CSMD2: variants seen among roughly 807,000 people sequenced by gnomAD.
CSMD2 encodes the protein CUB and Sushi multiple domains 2, also known as CUB and sushi domain-containing protein 2.
In CSMD2, 130 loss-of-function variants were observed where a neutral mutation model predicts 398.5. That is an observed-to-expected ratio of 0.33 (90% CI 0.28 to 0.38). CSMD2 has a LOEUF of 0.38. Among genes scored for constraint, CSMD2 ranks in the 10% least tolerant of loss-of-function variants. CSMD2 has a pLI of 1.00. For synonymous variants in CSMD2, 1,828 were observed against 1,908.5 expected, an observed-to-expected ratio of 0.96 and a Z score of 1.10; for missense variants, 3,829 against 4,764.9, an observed-to-expected ratio of 0.80 and a Z score of 5.78.
chr1:33,568,656 A>G (rs1659296549), intron 52 of CSMD2, among the ~76,000 whole-genome samples: 1 of 151,966 alleles, frequency 6.6e-6, no homozygotes, highest in African/African-American at 2.4e-5. Context: ...TCTTTTTATT[A>G]TATGGGATTT....
intron 13 of CSMD2, among the ~76,000 whole-genome samples, chr1:33,757,135 C>T (rs1366339816): frequency 6.7e-6 from 1 of 148,244 alleles, no homozygotes; most frequent in Non-Finnish European, 1.5e-5. Context: ...GGAAGGGGAA[C>T]ATCACAATCT....
intron 3 of CSMD2, among the ~76,000 whole-genome samples, chr1:33,969,845 G>A (rs1645692300): frequency 6.6e-6 from 1 of 152,090 alleles, no homozygotes; most frequent in Admixed American, 6.5e-5. Flanking sequence ...GGGCGTGGTG[G>A]CTCACGCCTG....
chr1:34,097,663 T>A, intron 1 of CSMD2, among the ~76,000 whole-genome samples: 1 of 85,582 alleles, frequency 1.2e-5, no homozygotes, highest in Non-Finnish European at 2.3e-5. Context: ...CATGAAAAAA[T>A]GCTCACCATC....
intron 25 of CSMD2, among the ~76,000 whole-genome samples, chr1:33,683,153 G>A (rs512527): frequency 0.94 from 143,046 of 152,320 alleles, 67,276 homozygotes; most frequent in African/African-American, 0.98. Flanking sequence ...TTTAGTTGTT[G>A]CTGTGTGTTT....
intron 9 of CSMD2, among the ~76,000 whole-genome samples, chr1:33,811,635 T>C (rs1199198550): frequency 2.0e-5 from 3 of 152,344 alleles, no homozygotes; most frequent in Middle Eastern, 3.4e-3. Flanking sequence ...CAAGTAGATA[T>C]AAAGTGTTAT....
At chr1:33,639,754 G>C (rs1455214913) in intron 29 of CSMD2, among the ~76,000 whole-genome samples, 1 of 152,188 alleles carries the variant, frequency 6.6e-6, no homozygotes, top group African/African-American at 2.4e-5. Flanking sequence ...TCACACGTAA[G>C]AGAAAGATGA....
chr1:33,857,650 G>A (rs1040030713), intron 5 of CSMD2, among the ~76,000 whole-genome samples: 12 of 152,032 alleles, frequency 7.9e-5, no homozygotes, highest in African/African-American at 2.4e-4. Context: ...ATCTCTCTCC[G>A]TGACTCTAAT....
chr1:34,059,492 A>C (rs1654221890), intron 2 of CSMD2, among the ~76,000 whole-genome samples: 1 of 152,110 alleles, frequency 6.6e-6, no homozygotes, highest in Non-Finnish European at 1.5e-5. Context: ...AGCTTATCAA[A>C]TCTGTAATCA....
chr1:34,038,304 C>A (rs2148177238), intron 2 of CSMD2, among the ~76,000 whole-genome samples: 1 of 152,268 alleles, frequency 6.6e-6, no homozygotes, highest in South Asian at 2.1e-4. Flanking sequence ...CAGAGAAATG[C>A]AGTAAAATGA....
chr1:33,841,917 G>A (rs574988639), intron 6 of CSMD2, among the ~76,000 whole-genome samples: 53 of 152,006 alleles, frequency 3.5e-4, no homozygotes, highest in Non-Finnish European at 7.5e-4. Flanking sequence ...GGGGAATGGT[G>A]GTCTCAGCCT....
chr1:34,157,033 A>C (rs889670922), intron 1 of CSMD2, among the ~76,000 whole-genome samples: 3 of 151,976 alleles, frequency 2.0e-5, no homozygotes, highest in African/African-American at 7.3e-5. Context: ...CTGATGGTGG[A>C]CTTGATAGGA....
Position 33,528,488 on chromosome 1 carries a change from G to T in CSMD2, c.10172-1230C>A, listed in dbSNP as rs370199789. Among the ~76,000 whole-genome samples the T allele has an allele frequency of 9.1e-4, 139 of 152,350 alleles. 4 individuals are homozygous for T. The South Asian group carries it at 0.028, about 30-fold the overall frequency. On this transcript the variant is annotated intron_variant, in intron 64 of 70. Coordinates refer to ENST00000373381, the MANE Select transcript of CSMD2 (RefSeq NM_001281956.2). ...GCCTCAGTACACAGAATGCTGTGGA[G>T]AAAGTTTCTGCAGTGACTCAATGCA...
intron 5 of CSMD2, among the ~76,000 whole-genome samples, chr1:33,909,687 G>A (rs1460730664): frequency 6.6e-6 from 1 of 152,172 alleles, no homozygotes; most frequent in Non-Finnish European, 1.5e-5. Flanking sequence ...CCCTATGAAA[G>A]ACGATGCTGG....
intron 1 of CSMD2, among the ~76,000 whole-genome samples, chr1:34,136,331 G>A (rs111612798): frequency 5.3e-5 from 8 of 152,224 alleles, no homozygotes; most frequent in Non-Finnish European, 1.0e-4. Flanking sequence ...TCAGTTGAAT[G>A]TGCTGTGGAT....
intron 14 of CSMD2, among the ~76,000 whole-genome samples, chr1:33,741,201 A>G (rs903774794): frequency 6.6e-6 from 1 of 152,122 alleles, no homozygotes; most frequent in Non-Finnish European, 1.5e-5. Flanking sequence ...TCAAGTCAAC[A>G]TAAGTTGACT....
Position 33,540,442 on chromosome 1 carries a change from G to A in CSMD2, c.9631+83C>T, listed in dbSNP as rs1570666084. The A allele has an allele frequency of 3.4e-6, 5 of 1,467,156 alleles. No individual in the cohort carries two copies. The South Asian group carries it at 3.8e-5, about 11-fold the overall frequency. The allele number at this position is 1,467,156 out of a possible 1,614,324, so 90.9% of individuals were successfully genotyped here. On this transcript the variant is annotated intron_variant, in intron 60 of 70. Coordinates refer to ENST00000373381, the MANE Select transcript of CSMD2 (RefSeq NM_001281956.2). Reference sequence around the variant, plus strand: ...TTGGGGAGGGGACTACCTATTCTGGGCCTTCCAGCCACAAAGCTCCGAGGA... The same window carrying A: ...TTGGGGAGGGGACTACCTATTCTGGACCTTCCAGCCACAAAGCTCCGAGGA...
At chr1:34,095,263 T>A in intron 1 of CSMD2, among the ~76,000 whole-genome samples, 1 of 115,118 alleles carries the variant, frequency 8.7e-6, no homozygotes, top group Non-Finnish European at 1.8e-5. Context: ...CAAAGCAGTG[T>A]GTAGAGGGAA....
chr1:34,163,309 G>A lies in CSMD2; in HGVS notation c.187+1602C>T, dbSNP rs771854185. 6.6e-6 allele frequency among the ~76,000 whole-genome samples: 1 copy of A among 152,198 alleles called. No homozygotes were observed. Among genetic ancestry groups the A allele is most frequent in the Admixed American group, 6.5e-5 (1 of 15,286 alleles). ...ACAGCCTCCCAGTGGGTGTGGGTGT[G>A]CGAGAGGCCAGAGCTCCCAGGCGCG... On this transcript the variant is annotated intron_variant, in intron 1 of 70. Transcript: ENST00000373381. This position sits in a 1 kb window ranked among gnomAD's most constrained non-coding sequence, Gnocchi z 5.4.
chr1:33,856,802 G>A (rs955827213), intron 5 of CSMD2, among the ~76,000 whole-genome samples: 1 of 152,004 alleles, frequency 6.6e-6, no homozygotes, highest in African/African-American at 2.4e-5. Flanking sequence ...CCATGGAGCT[G>A]AGTTCTAATC....
Sources: allele counts gnomAD v4.1 joint callset (sites outside exome capture counted in the v4.1 genomes callset), GRCh38; gene constraint gnomAD v4.1.1; non-coding constraint Gnocchi (gnomAD v3.1); transcripts MANE v1.5; gene names NCBI Gene and HGNC (gene_info 2026-07-23, HGNC 2026-07-21).